Variants in TCFL5 observed in about 807,000 individuals in gnomAD.
TCFL5 encodes the protein transcription factor-like 5 protein.
In TCFL5, 9 loss-of-function variants were observed where a neutral mutation model predicts 44.3. The ratio of observed to expected loss-of-function variants is 0.20; its 90% CI spans 0.12 to 0.35. TCFL5 has a LOEUF of 0.35. TCFL5 is among the 10% of genes least tolerant of loss of function. TCFL5 has a pLI of 1.00. For missense variants in TCFL5, 603 were observed against 613.4 expected, an observed-to-expected ratio of 0.98 and a Z score of 0.18; for synonymous variants, 319 against 271.6, an observed-to-expected ratio of 1.17 and a Z score of -1.72.
chr20:62,850,968 C>T (rs2063802527), intron 5 of TCFL5, among the ~76,000 whole-genome samples: 1 of 152,228 alleles, frequency 6.6e-6, no homozygotes, highest in African/African-American at 2.4e-5. Context: ...TACTCGTCCC[C>T]TGCCTCCCTC....
rs1568799688 is a variant in TCFL5, at chr20:62,861,047, G to T, written c.624C>A (p.Pro208=). The part of the protein sequence containing the change: ...PPPAPRGPEP[P]EPGGALNNLV... ...ACTTGTTGAGCGCCCCGCCCGGCTC[G>T]GGGGGCTCGGGGCCGCGCGGCGCGG... The change falls in exon 1 of 6, where the codon CCC becomes CCA. Residue 208 remains proline, a synonymous_variant. Coordinates refer to ENST00000335351, the MANE Select transcript of TCFL5 (RefSeq NM_006602.4). The surrounding 1 kb of genome is among the most constrained non-coding windows in gnomAD (Gnocchi z 4.0). 1.0e-6 allele frequency: 1 copy of T among 994,934 alleles called. No homozygotes were observed. The highest frequency in any genetic ancestry group is 4.5e-5 in the South Asian group (1 of 22,146). 61.6% of individuals were successfully genotyped at this position (994,934 alleles called of 1,614,324 possible). A position where few individuals can be genotyped will look rare whatever the true frequency, so the allele number is the denominator to read the frequency against.
intron 5 of TCFL5, chr20:62,845,155 C>G (rs1402515609): frequency 1.0e-6 from 1 of 983,060 alleles, no homozygotes; most frequent in Non-Finnish European, 1.2e-6. Context: ...GAGTTTCACT[C>G]TTGTCGCCCA....
At chr20:62,852,272 C>A in intron 5 of TCFL5, 1 of 985,430 alleles carries the variant, frequency 1.0e-6, no homozygotes, top group Non-Finnish European at 1.2e-6. Flanking sequence ...TCCTAGAGGG[C>A]CAAAGAGCCA....
chr20:62,844,347 T>C (rs1246989390), intron 5 of TCFL5, among the ~76,000 whole-genome samples: 1 of 152,248 alleles, frequency 6.6e-6, no homozygotes, highest in Non-Finnish European at 1.5e-5. Flanking sequence ...GCATCTTTCA[T>C]GGGCTTATTG....
chr20:62,860,792 G>C (rs1049254206), intron 1 of TCFL5, among the ~76,000 whole-genome samples: 8 of 152,188 alleles, frequency 5.3e-5, no homozygotes, highest in African/African-American at 1.9e-4. Flanking sequence ...CTCCAGGCGG[G>C]GCCACTGAGG....
intron 5 of TCFL5, among the ~76,000 whole-genome samples, chr20:62,848,135 C>G (rs1317630004): frequency 6.6e-6 from 1 of 152,194 alleles, no homozygotes; most frequent in African/African-American, 2.4e-5. Context: ...GGCCTGACAA[C>G]AGACAGCACG....
At chr20:62,859,585 T>C (rs967160973) in intron 2 of TCFL5, 59 bp from the exon 3 acceptor site, 30 of 1,495,070 alleles carry the variant, frequency 2.0e-5, no homozygotes, top group Non-Finnish European at 2.6e-5. Flanking sequence ...TCCTCTTTAC[T>C]GCACAAATGA....
intron 5 of TCFL5, chr20:62,845,458 T>C: frequency 2.2e-6 from 3 of 1,346,384 alleles, no homozygotes; most frequent in Non-Finnish European, 2.9e-6. Context: ...GGATGCAATT[T>C]AAAATGACCC....
At chr20:62,852,103 C>T in intron 5 of TCFL5, 1 of 985,476 alleles carries the variant, frequency 1.0e-6, no homozygotes, top group Non-Finnish European at 1.2e-6. Flanking sequence ...CTGCGCCAGG[C>T]CTGGGAGCCC....
Position 62,861,423 on chromosome 20 carries a change from G to T in TCFL5, c.248C>A (p.Ala83Glu). Residue 83 changes from alanine to glutamate, a missense_variant, in exon 1 of 6, where the codon GCG (alanine) becomes GAG (glutamate). Coordinates refer to ENST00000335351, the MANE Select transcript of TCFL5 (RefSeq NM_006602.4). This position sits in a 1 kb window ranked among gnomAD's most constrained non-coding sequence, Gnocchi z 4.0. ...CGCGCCTGCGCCCGGGCCCGCCGCC[G>T]CCAGCAGCGCCGAGTTGAGGCGCGT... is the stretch of plus-strand genomic sequence containing the variant. ...LETRLNSALL[A>E]AAGPGAGAGG... 1 of 1,141,988 alleles carries T rather than the reference G, an allele frequency of 8.8e-7. No individual in the cohort carries two copies. 70.7% of individuals were successfully genotyped at this position (1,141,988 alleles called of 1,614,324 possible). A position where few individuals can be genotyped will look rare whatever the true frequency, so the allele number is the denominator to read the frequency against.
In TCFL5 at chr20:62,857,499, G is replaced by C. The variant is rs139764957; in HGVS notation, c.1134C>G (p.Ser378=). ...CCAGGTTTGCCTGTGAGGACTCCGA[G>C]GACTGCCAAGCGCCTTGTGTGGCGG... The part of the protein sequence containing the change: ...GATATQGAWQ[S]SESSQANLGE... Residue 378 remains serine, a synonymous_variant, in exon 4 of 6, where the codon TCC becomes TCG. Coordinates refer to ENST00000335351, the MANE Select transcript of TCFL5 (RefSeq NM_006602.4). 11 of 1,614,122 alleles carry C rather than the reference G, an allele frequency of 6.8e-6. No homozygotes were observed. The highest frequency in any genetic ancestry group is 6.7e-5 in the African/African-American group (5 of 74,940).
intron 5 of TCFL5, among the ~76,000 whole-genome samples, chr20:62,850,002 G>A (rs937468239): frequency 7.9e-5 from 12 of 152,012 alleles, no homozygotes; most frequent in Non-Finnish European, 1.8e-4. Flanking sequence ...AAATTAGGCA[G>A]GTATAGTGGC....
intron 5 of TCFL5, among the ~76,000 whole-genome samples, chr20:62,843,640 G>A (rs1280433946): frequency 6.6e-6 from 1 of 152,316 alleles, no homozygotes; most frequent in South Asian, 2.1e-4. Flanking sequence ...TTAAGCATGT[G>A]TAAGTGTACA....
intron 4 of TCFL5, among the ~76,000 whole-genome samples, chr20:62,854,447 T>C (rs2063857272): frequency 1.3e-5 from 2 of 152,088 alleles, no homozygotes; most frequent in South Asian, 2.1e-4. Context: ...CAGGTTCAAG[T>C]CTCTAGATTA....
chr20:62,848,534 T>G (rs533395758), intron 5 of TCFL5, among the ~76,000 whole-genome samples: 18 of 152,210 alleles, frequency 1.2e-4, no homozygotes, highest in African/African-American at 4.1e-4. Context: ...TGAGGTAAGA[T>G]CGAGACCAGC....
rs2063678131 is a variant in TCFL5 at position 62,841,305 on chromosome 20, A to T, written c.*670T>A. ...GCCACTCATTGAAAAACCCAATTCC[A>T]AACACCACAGTTTGTGACACATGAA... is the stretch of plus-strand genomic sequence containing the variant. On this transcript the variant is annotated 3_prime_UTR_variant, in exon 6 of 6. Coordinates refer to ENST00000335351, the MANE Select transcript of TCFL5 (RefSeq NM_006602.4). The T allele has an allele frequency of 6.5e-6, 1 of 154,170 alleles. No individual in the cohort carries two copies. Among genetic ancestry groups the T allele is most frequent in the African/African-American group, 2.4e-5 (1 of 41,464 alleles). 9.6% of individuals were successfully genotyped at this position (154,170 alleles called of 1,614,324 possible). A position where few individuals can be genotyped will look rare whatever the true frequency, so the allele number is the denominator to read the frequency against.
rs1410470790 is a variant in TCFL5, at chr20:62,841,470, A to C, written c.*505T>G. On this transcript the variant is annotated 3_prime_UTR_variant, in exon 6 of 6. Coordinates refer to ENST00000335351, the MANE Select transcript of TCFL5 (RefSeq NM_006602.4). Reference sequence around the variant, plus strand: ...GGTTTAAAATGGTCCTGCACGTTGCAATACAGCAGCACGTGACTCAGAGTC... The same window carrying C: ...GGTTTAAAATGGTCCTGCACGTTGCCATACAGCAGCACGTGACTCAGAGTC... 2 of 154,620 alleles carry C rather than the reference A, an allele frequency of 1.3e-5. No individual in the cohort carries two copies. The highest frequency in any genetic ancestry group is 4.8e-5 in the African/African-American group (2 of 41,474). The allele number at this position is 154,620 out of a possible 1,614,324, so 9.6% of individuals were successfully genotyped here. A position where few individuals can be genotyped will look rare whatever the true frequency, so the allele number is the denominator to read the frequency against.
intron 5 of TCFL5, chr20:62,845,719 C>A: frequency 6.2e-7 from 1 of 1,606,690 alleles, no homozygotes; most frequent in Non-Finnish European, 8.5e-7. Context: ...GACGAGGACT[C>A]GGAGACATAT....
chr20:62,843,670 A>C (rs974321243), intron 5 of TCFL5, among the ~76,000 whole-genome samples: 2 of 152,194 alleles, frequency 1.3e-5, no homozygotes, highest in Non-Finnish European at 2.9e-5. Flanking sequence ...CGTGAAGTCC[A>C]CTCACAGTGC....
Sources: allele counts gnomAD v4.1 joint callset (sites outside exome capture counted in the v4.1 genomes callset), GRCh38; gene constraint gnomAD v4.1.1; non-coding constraint Gnocchi (gnomAD v3.1); transcripts MANE v1.5; gene names NCBI Gene and HGNC (gene_info 2026-07-23, HGNC 2026-07-21).